CRPPA: variants seen among roughly 807,000 people sequenced by gnomAD.
CRPPA encodes CDP-L-ribitol pyrophosphorylase A, also known as D-ribitol-5-phosphate cytidylyltransferase.
CRPPA carries 43 observed loss-of-function variants against 52.0 expected under a neutral mutation model. That is an observed-to-expected ratio of 0.83 (90% CI 0.65 to 1.07). The LOEUF (loss-of-function observed/expected upper bound fraction) is 1.07, where lower values mean the gene tolerates loss of function less well. Ranked by LOEUF, CRPPA falls within the 50% of genes least tolerant of loss-of-function variation. The probability of loss-of-function intolerance (pLI) is 0.00; values close to 1 mark genes in which losing one functional copy is unlikely to be tolerated. For missense variants in CRPPA, 629 were observed against 551.7 expected, an observed-to-expected ratio of 1.14 and a Z score of -1.40; for synonymous variants, 250 against 203.5, an observed-to-expected ratio of 1.23 and a Z score of -1.94.
chr7:16,223,483 G>C (rs1279576373), intron 8 of CRPPA, among the ~76,000 whole-genome samples: 1 of 152,160 alleles, frequency 6.6e-6, no homozygotes, highest in African/African-American at 2.4e-5. Flanking sequence ...TGAAGAAGTA[G>C]ATGCATCTCA....
chr7:16,249,249 C>G (rs1288266976), intron 8 of CRPPA, among the ~76,000 whole-genome samples: 1 of 152,130 alleles, frequency 6.6e-6, no homozygotes, highest in East Asian at 1.9e-4. Flanking sequence ...TAGATAAAAC[C>G]CCCATCTCCC....
At chr7:16,192,158 T>A (rs1428003026) in intron 9 of CRPPA, among the ~76,000 whole-genome samples, 1 of 152,104 alleles carries the variant, frequency 6.6e-6, no homozygotes. Context: ...TTTATACTTG[T>A]AACTTTTCCA....
intron 9 of CRPPA, among the ~76,000 whole-genome samples, chr7:16,208,193 G>C (rs1413226789): frequency 6.6e-6 from 1 of 152,142 alleles, no homozygotes; most frequent in Non-Finnish European, 1.5e-5. Context: ...AACTCATAAA[G>C]TGTCAAAAAT....
At chr7:16,228,505 T>G (rs562071335) in intron 8 of CRPPA, among the ~76,000 whole-genome samples, 1 of 151,940 alleles carries the variant, frequency 6.6e-6, no homozygotes, top group Non-Finnish European at 1.5e-5. Context: ...TAGGTTTCCA[T>G]TTGTTAGTCT....
Position 16,376,120 on chromosome 7 carries a change from A to C in CRPPA, c.656T>G (p.Phe219Cys), listed in dbSNP as rs774568742. Residue 219 changes from phenylalanine (F) to cysteine (C), a missense_variant, in exon 3 of 10, where the codon TTT becomes TGT. Phe to Cys is a radical substitution (Grantham distance 205). Coordinates refer to ENST00000407010, the MANE Select transcript of CRPPA (RefSeq NM_001101426.4). ...CTGATATGCTTCATAAATCACATCA[A>C]ATAGAAAAGCTTGGGGCATTTCACT... ...RASEMPQAFL[F>C]DVIYEAYQQC... 1.2e-5 allele frequency: 19 copies of C among 1,606,352 alleles called. No homozygotes were observed. In the East Asian group the frequency reaches 1.8e-4, roughly 15 times the overall value.
intron 3 of CRPPA, among the ~76,000 whole-genome samples, chr7:16,342,754 CTG>C (rs1554335154): frequency 1.8e-4 from 1 of 5,454 alleles, no homozygotes; most frequent in Non-Finnish European, 5.8e-4. Flanking sequence ...AGGATGAACC[CTG>C]TCTCCACAAA....
intron 5 of CRPPA, among the ~76,000 whole-genome samples, chr7:16,298,403 C>T (rs891531237): frequency 6.6e-6 from 1 of 152,202 alleles, no homozygotes; most frequent in African/African-American, 2.4e-5. Flanking sequence ...TTAACATTCT[C>T]TTTCCCAAGT....
At chr7:16,327,383 G>C (rs1785426422) in intron 3 of CRPPA, among the ~76,000 whole-genome samples, 1 of 151,890 alleles carries the variant, frequency 6.6e-6, no homozygotes, top group Non-Finnish European at 1.5e-5. Context: ...ATGAGGTCAG[G>C]AGATCGAGAC....
intron 9 of CRPPA, among the ~76,000 whole-genome samples, chr7:16,169,450 G>A (rs1363634723): frequency 6.6e-6 from 1 of 152,144 alleles, no homozygotes; most frequent in East Asian, 1.9e-4. Context: ...TGCCAGAAAG[G>A]TGAATACCAA....
At chr7:16,392,452 T>C (rs1419033824) in intron 2 of CRPPA, among the ~76,000 whole-genome samples, 1 of 152,198 alleles carries the variant, frequency 6.6e-6, no homozygotes, top group Non-Finnish European at 1.5e-5. Flanking sequence ...GATAGACTTA[T>C]ATTATCTGAA....
intron 9 of CRPPA, among the ~76,000 whole-genome samples, chr7:16,186,285 T>C (rs2128389087): frequency 6.6e-6 from 1 of 152,306 alleles, no homozygotes. Context: ...TGGAAGGTAA[T>C]TAGGTCAGAA....
At chr7:16,301,341 G>C in intron 5 of CRPPA, 80 bp downstream of exon 5, 1 of 1,151,108 alleles carries the variant, frequency 8.7e-7, no homozygotes, top group Non-Finnish European at 1.3e-6. Flanking sequence ...AGATTGCTGG[G>C]ATTTAAACTG....
At chr7:16,255,654 C>G (rs537204112) in intron 8 of CRPPA, among the ~76,000 whole-genome samples, 1 of 152,194 alleles carries the variant, frequency 6.6e-6, no homozygotes, top group Admixed American at 6.5e-5. Flanking sequence ...CTACAACCAT[C>G]TGATCTTTCA....
intron 8 of CRPPA, among the ~76,000 whole-genome samples, chr7:16,249,269 G>A (rs1040916759): frequency 6.6e-6 from 1 of 152,178 alleles, no homozygotes; most frequent in East Asian, 1.9e-4. Flanking sequence ...CTGGGACAGA[G>A]CACCTGGGGG....
chr7:16,371,624 G>A (rs1329325347), intron 3 of CRPPA, among the ~76,000 whole-genome samples: 1 of 151,266 alleles, frequency 6.6e-6, no homozygotes, highest in East Asian at 1.9e-4. Flanking sequence ...AATCAGAAAA[G>A]TAATTCTGGC....
rs75903023 is a variant in CRPPA at position 16,184,745 on chromosome 7, T to A, written c.1251+31321A>T. Among the ~76,000 whole-genome samples the A allele has an allele frequency of 2.1e-3, 315 of 152,320 alleles. 2 individuals carry two copies. The highest frequency in any genetic ancestry group is 7.3e-3 in the African/African-American group (304 of 41,572). On this transcript the variant is annotated intron_variant, in intron 9 of 9. Transcript: ENST00000407010. Reference sequence around the variant, plus strand: ...TATAGGCATTCTCAGTAATTTTACTTATGTTATCTTTTGTTTCCTCCAAAT... The same window carrying A: ...TATAGGCATTCTCAGTAATTTTACTAATGTTATCTTTTGTTTCCTCCAAAT...
At chr7:16,367,755 A>G (rs1786641526) in intron 3 of CRPPA, among the ~76,000 whole-genome samples, 1 of 152,172 alleles carries the variant, frequency 6.6e-6, no homozygotes, top group Non-Finnish European at 1.5e-5. Flanking sequence ...ATATTCAGCT[A>G]CCCACAGATA....
At chr7:16,168,533 A>C (rs1781112921) in intron 9 of CRPPA, among the ~76,000 whole-genome samples, 1 of 95,474 alleles carries the variant, frequency 1.0e-5, no homozygotes, top group Non-Finnish European at 2.1e-5. Context: ...GAGTGAAGTA[A>C]AACACACACA....
At chr7:16,157,831 T>C (rs1226940402) in intron 9 of CRPPA, among the ~76,000 whole-genome samples, 1 of 152,108 alleles carries the variant, frequency 6.6e-6, no homozygotes, top group Non-Finnish European at 1.5e-5. Context: ...TTGCTTCCTG[T>C]TGTGTCACTC....
Sources: allele counts gnomAD v4.1 joint callset (sites outside exome capture counted in the v4.1 genomes callset), GRCh38; gene constraint gnomAD v4.1.1; transcripts MANE v1.5; gene names NCBI Gene and HGNC (gene_info 2026-07-23, HGNC 2026-07-21).